SLC39A12: variants seen among roughly 807,000 people sequenced by gnomAD.
SLC39A12 encodes zinc transporter ZIP12.
Under a neutral mutation model 71.1 loss-of-function variants are expected in SLC39A12, and 63 were observed. The ratio of observed to expected loss-of-function variants is 0.89; its 90% CI spans 0.72 to 1.09. The LOEUF is 1.09. Ranked by LOEUF, SLC39A12 falls within the 50% of genes least tolerant of loss-of-function variation. SLC39A12 has a pLI of 0.00. For missense variants in SLC39A12, 892 were observed against 812.6 expected, an observed-to-expected ratio of 1.10 and a Z score of -1.19; for synonymous variants, 351 against 301.3, an observed-to-expected ratio of 1.16 and a Z score of -1.71.
At position 17,953,410 on chromosome 10, in the gene SLC39A12, A is replaced by T. The variant is rs1834456462; in HGVS notation, c.134A>T (p.Asp45Val). 5 of 1,614,048 alleles carry T rather than the reference A, an allele frequency of 3.1e-6. No individual in the cohort carries two copies. Among genetic ancestry groups the T allele is most frequent in the Non-Finnish European group, 4.2e-6 (5 of 1,180,034 alleles). The change falls in exon 2 of 13, where the codon GAC becomes GTC. Residue 45 changes from aspartate to valine, a missense_variant. Transcript: ENST00000377369. Reference sequence around the variant, plus strand: ...CGTGGGAGTTCAGGCCAACCGGCAGACCTGCTACAGGTTCTCTCTGCTGGT... The same window carrying T: ...CGTGGGAGTTCAGGCCAACCGGCAGTCCTGCTACAGGTTCTCTCTGCTGGT... ...RSRGSSGQPA[D>V]LLQVLSAGDH...
chr10:18,038,075 T>C (rs73607896), intron 12 of SLC39A12, among the ~76,000 whole-genome samples: 2 of 134,148 alleles, frequency 1.5e-5, no homozygotes, highest in Non-Finnish European at 1.5e-5. Context: ...TATGGCAAGT[T>C]ATCATAGGGT....
At chr10:17,955,576 T>G (rs1589216335) in intron 2 of SLC39A12, among the ~76,000 whole-genome samples, 1 of 152,116 alleles carries the variant, frequency 6.6e-6, no homozygotes, top group South Asian at 2.1e-4. Context: ...ACAGGCAGGG[T>G]TCATGCTACA....
At position 18,038,251 on chromosome 10, in the gene SLC39A12, G is replaced by A. The variant is rs186656682; in HGVS notation, c.1948-4454G>A. 3.2e-3 allele frequency among the ~76,000 whole-genome samples: 481 copies of A among 151,990 alleles called. 3 individuals carry two copies. Among genetic ancestry groups the A allele is most frequent in the African/African-American group, 0.01 (420 of 41,440 alleles). Reference sequence around the variant, plus strand: ...TAAAGAATTCTTAATTTTCTCACTGGGAGTAGGGTCACTGACTCTCATAAA... The same window carrying A: ...TAAAGAATTCTTAATTTTCTCACTGAGAGTAGGGTCACTGACTCTCATAAA... On this transcript the variant is annotated intron_variant, in intron 12 of 12. Transcript: ENST00000377369.
At chr10:17,966,405 A>G (rs1283513331) in intron 4 of SLC39A12, among the ~76,000 whole-genome samples, 1 of 151,998 alleles carries the variant, frequency 6.6e-6, no homozygotes, top group African/African-American at 2.4e-5. Flanking sequence ...CCAACTCTTG[A>G]GCCCAAGCAA....
intron 12 of SLC39A12, among the ~76,000 whole-genome samples, chr10:18,027,584 G>A (rs1836714056): frequency 6.6e-6 from 1 of 152,164 alleles, no homozygotes; most frequent in Non-Finnish European, 1.5e-5. Context: ...TGAGCTTTCA[G>A]CAATTCATTC....
chr10:18,018,734 G>A (rs570288485), intron 12 of SLC39A12, among the ~76,000 whole-genome samples: 1 of 152,244 alleles, frequency 6.6e-6, no homozygotes, highest in African/African-American at 2.4e-5. Flanking sequence ...AATCCCTCTT[G>A]ATTGTAGTTA....
chr10:17,980,316 A>G (rs1383123638), intron 5 of SLC39A12, among the ~76,000 whole-genome samples: 2 of 151,238 alleles, frequency 1.3e-5, no homozygotes, highest in African/African-American at 2.4e-5. Flanking sequence ...CATTATTTAC[A>G]GATTAACAAA....
chr10:18,036,421 T>G (rs964256752), intron 12 of SLC39A12, among the ~76,000 whole-genome samples: 2 of 152,020 alleles, frequency 1.3e-5, no homozygotes, highest in African/African-American at 4.8e-5. Context: ...TCCAGGTGCG[T>G]CCGTCACCCC....
At chr10:17,995,777 T>C (rs1835668834) in intron 10 of SLC39A12, 55 bp downstream of exon 10, 7 of 1,465,384 alleles carry the variant, frequency 4.8e-6, no homozygotes, top group Non-Finnish European at 6.6e-6. Flanking sequence ...AACAGTTATG[T>C]CTGTTTTAAA....
At chr10:17,981,788 T>C (rs192912146) in intron 6 of SLC39A12, among the ~76,000 whole-genome samples, 7 of 152,318 alleles carry the variant, frequency 4.6e-5, no homozygotes, top group Non-Finnish European at 7.4e-5. Flanking sequence ...TACATACTAC[T>C]CTTCAATGAA....
intron 9 of SLC39A12, 93 bp from the exon 10 acceptor site, chr10:17,995,563 T>C: frequency 8.5e-7 from 1 of 1,174,638 alleles, no homozygotes. Flanking sequence ...AAAATGTCTT[T>C]TAAAAACCCA....
At chr10:17,952,771 G>A (rs1834436811) in intron 1 of SLC39A12, among the ~76,000 whole-genome samples, 1 of 152,166 alleles carries the variant, frequency 6.6e-6, no homozygotes, top group Non-Finnish European at 1.5e-5. Context: ...ACTGGTGTGA[G>A]CTACCGCGCC....
rs190614690 is a variant in SLC39A12, at chr10:18,039,599, G to C, written c.1948-3106G>C. 2.7e-3 allele frequency among the ~76,000 whole-genome samples: 415 copies of C among 152,170 alleles called. 1 individual carries two copies. The highest frequency in any genetic ancestry group is 3.4e-3 in the Non-Finnish European group (229 of 67,992). On this transcript the variant is annotated intron_variant, in intron 12 of 12. Transcript: ENST00000377369. Reference sequence around the variant, plus strand: ...TAAAATTAGCTGGGTAGGGTAGTATGCACCTGCAGTCTTAGCTACCCAGGA... The same window carrying C: ...TAAAATTAGCTGGGTAGGGTAGTATCCACCTGCAGTCTTAGCTACCCAGGA...
intron 8 of SLC39A12, among the ~76,000 whole-genome samples, chr10:17,992,886 G>A (rs1160651307): frequency 6.6e-6 from 1 of 152,184 alleles, no homozygotes; most frequent in Non-Finnish European, 1.5e-5. Context: ...GTACAATACA[G>A]TTTTGATTAT....
At chr10:18,024,475 G>A (rs1355471127) in intron 12 of SLC39A12, among the ~76,000 whole-genome samples, 1 of 152,040 alleles carries the variant, frequency 6.6e-6, no homozygotes, top group Non-Finnish European at 1.5e-5. Flanking sequence ...ACCCTGCCTT[G>A]GGTCCACTTC....
At chr10:18,014,505 C>G (rs907253353) in intron 12 of SLC39A12, among the ~76,000 whole-genome samples, 1 of 152,178 alleles carries the variant, frequency 6.6e-6, no homozygotes, top group African/African-American at 2.4e-5. Context: ...CTACAACAAT[C>G]ACATAAGCCC....
intron 12 of SLC39A12, among the ~76,000 whole-genome samples, chr10:18,028,902 T>C (rs547936799): frequency 2.0e-5 from 3 of 152,260 alleles, no homozygotes; most frequent in African/African-American, 7.2e-5. Flanking sequence ...GTGTTTTTAA[T>C]AGAGACGAGG....
At chr10:17,956,373 A>G (rs1419638346) in intron 2 of SLC39A12, among the ~76,000 whole-genome samples, 1 of 152,170 alleles carries the variant, frequency 6.6e-6, no homozygotes, top group Non-Finnish European at 1.5e-5. Context: ...TCTCATGGAC[A>G]TACATGTACT....
chr10:18,033,506 T>C (rs1043293337), intron 12 of SLC39A12, among the ~76,000 whole-genome samples: 3 of 147,898 alleles, frequency 2.0e-5, no homozygotes, highest in African/African-American at 7.5e-5. Context: ...ATCCCCTTTA[T>C]CATTTTTTAT....
Sources: gnomAD v4.1 joint callset for allele counts (sites outside exome capture counted in the v4.1 genomes callset) on GRCh38, gnomAD v4.1.1 for gene constraint, MANE v1.5 for transcripts, NCBI Gene and HGNC (gene_info 2026-07-23, HGNC 2026-07-21) for gene names.